The following PRKAR1B variants were observed in gnomAD, a reference collection of about 807,000 sequenced individuals.
The protein encoded by PRKAR1B is protein kinase cAMP-dependent type I regulatory subunit beta.
A neutral mutation model predicts 46.5 loss-of-function variants in PRKAR1B; 22 were observed. The ratio of observed to expected loss-of-function variants is 0.47; its 90% CI spans 0.34 to 0.68. The LOEUF (loss-of-function observed/expected upper bound fraction) is 0.68. Ranked by LOEUF, PRKAR1B falls within the 30% of genes least tolerant of loss-of-function variation. The pLI, the probability that PRKAR1B is intolerant of heterozygous loss-of-function variation, is 0.01. For synonymous variants in PRKAR1B, 259 were observed against 217.7 expected (o/e 1.19, Z -1.67); for missense variants, 445 against 535.6 (o/e 0.83, Z 1.67).
intron 1 of PRKAR1B, among the ~76,000 whole-genome samples, chr7:718,928 G>A (rs956396793): frequency 2.1e-5 from 3 of 145,466 alleles, no homozygotes; most frequent in Non-Finnish European, 3.0e-5. Context: ...CTGGAGTGCG[G>A]TGGCATGATC....
intron 9 of PRKAR1B, among the ~76,000 whole-genome samples, chr7:557,152 C>A (rs950046576): frequency 6.6e-6 from 1 of 152,226 alleles, no homozygotes; most frequent in Non-Finnish European, 1.5e-5. Context: ...CCCGGGACTC[C>A]CTCCTCCTGC....
intron 4 of PRKAR1B, among the ~76,000 whole-genome samples, chr7:636,588 G>A (rs1347358000): frequency 6.6e-6 from 1 of 152,202 alleles, no homozygotes; most frequent in Non-Finnish European, 1.5e-5. Context: ...CTTTCTGACA[G>A]CCAATGCTCT....
Position 673,612 on chromosome 7 carries a change from G to A in PRKAR1B, c.440+3617C>T, listed in dbSNP as rs146934792. ...TGCAGTGAGCCGAGATCGCCCCACT[G>A]CACTGAAGCCTGGGCAACAGAGTGA... On this transcript the variant is annotated intron_variant, in intron 4 of 10. Coordinates refer to ENST00000537384, the MANE Select transcript of PRKAR1B (RefSeq NM_001164760.2). 6.0e-3 allele frequency among the ~76,000 whole-genome samples: 911 copies of A among 150,952 alleles called. 13 individuals are homozygous for A. Among genetic ancestry groups the A allele is most frequent in the African/African-American group, 0.021 (859 of 40,814 alleles).
intron 7 of PRKAR1B, among the ~76,000 whole-genome samples, chr7:586,445 T>C (rs1239327020): frequency 6.6e-6 from 1 of 152,198 alleles, no homozygotes. Context: ...TGCCCTGCTC[T>C]CTCCTGGATC....
intron 8 of PRKAR1B, among the ~76,000 whole-genome samples, chr7:583,244 A>C (rs1473274762): frequency 6.6e-6 from 1 of 152,146 alleles, no homozygotes; most frequent in Non-Finnish European, 1.5e-5. Context: ...AAAGACCCGC[A>C]CGCTCCTTTC....
At chr7:722,222 T>C (rs571826374) in intron 1 of PRKAR1B, among the ~76,000 whole-genome samples, 5 of 148,426 alleles carry the variant, frequency 3.4e-5, no homozygotes, top group African/African-American at 1.2e-4. Flanking sequence ...TGCCTCAGCC[T>C]CCCCGAGTAG....
intron 4 of PRKAR1B, among the ~76,000 whole-genome samples, chr7:627,831 C>A (rs896470153): frequency 6.6e-6 from 1 of 152,234 alleles, no homozygotes; most frequent in Non-Finnish European, 1.5e-5. Context: ...CAACTCCACT[C>A]GGCCCTCACT....
intron 2 of PRKAR1B, among the ~76,000 whole-genome samples, chr7:693,269 T>C (rs1779540927): frequency 6.8e-6 from 1 of 147,474 alleles, no homozygotes; most frequent in Admixed American, 6.8e-5. Context: ...GAGGTAAAAG[T>C]CACATAACTT....
intron 9 of PRKAR1B, among the ~76,000 whole-genome samples, chr7:555,303 C>T (rs138394588): frequency 0.058 from 8,806 of 152,186 alleles, 744 homozygotes; most frequent in African/African-American, 0.19. Flanking sequence ...GTGCCGACTG[C>T]TCCCGGACAC....
rs182815113 is a variant in PRKAR1B, at chr7:687,878, C to T, written c.178-7152G>A. Among the ~76,000 whole-genome samples, 1,492 of 151,878 alleles carry T rather than the reference C, an allele frequency of 9.8e-3. 29 individuals carry two copies. Among genetic ancestry groups the T allele is most frequent in the African/African-American group, 0.033 (1,385 of 41,384 alleles). On this transcript the variant is annotated intron_variant, in intron 2 of 10. Coordinates refer to ENST00000537384, the MANE Select transcript of PRKAR1B (RefSeq NM_001164760.2). The stretch of plus-strand genomic sequence containing the variant: ...TGGGAGGCCGAGGCAGGCGGATCAC[C>T]TGAGGTCAGCAGTTCAAGACCAGCC...
intron 7 of PRKAR1B, 106 bp downstream of exon 7, chr7:596,040 G>T (rs1781250463): frequency 1.4e-6 from 2 of 1,404,840 alleles, no homozygotes; most frequent in Non-Finnish European, 1.9e-6. Flanking sequence ...GAGGTTGGAA[G>T]TGTCTTTTCT....
chr7:705,529 A>C (rs1010381674), intron 2 of PRKAR1B, among the ~76,000 whole-genome samples: 17 of 152,044 alleles, frequency 1.1e-4, no homozygotes, highest in African/African-American at 3.9e-4. Context: ...GAATCTCACT[A>C]CTAAATATTT....
intron 9 of PRKAR1B, among the ~76,000 whole-genome samples, chr7:575,722 CT>C (rs988433193): frequency 1.3e-5 from 2 of 151,930 alleles, no homozygotes; most frequent in African/African-American, 4.8e-5. Context: ...ATTTTTTCAC[CT>C]GTCTTATGGT....
chr7:663,410 G>A (rs907647211), intron 4 of PRKAR1B, among the ~76,000 whole-genome samples: 5 of 151,994 alleles, frequency 3.3e-5, no homozygotes, highest in Non-Finnish European at 7.4e-5. Flanking sequence ...TTAATTTTTA[G>A]GAGGAGGGTA....
chr7:585,586 C>T (rs879335051), intron 7 of PRKAR1B, among the ~76,000 whole-genome samples: 4 of 151,582 alleles, frequency 2.6e-5, no homozygotes, highest in African/African-American at 9.8e-5. Flanking sequence ...TAGATAAGTC[C>T]CCTGGGGTGT....
chr7:699,582 C>T (rs568435572), intron 2 of PRKAR1B, among the ~76,000 whole-genome samples: 28 of 152,262 alleles, frequency 1.8e-4, no homozygotes, highest in Non-Finnish European at 4.0e-4. Flanking sequence ...GAAGCTCAAG[C>T]CGAGATCTCC....
rs529533595 is a variant in PRKAR1B at position 552,723 on chromosome 7, C to T, written c.892-1253G>A. Among the ~76,000 whole-genome samples, 63 of 152,320 alleles carry T rather than the reference C, an allele frequency of 4.1e-4. No homozygotes were observed. The South Asian group carries it at 0.012, about 30-fold the overall frequency. ...GGCGAGCGGAGGAGCCGGGAGGGGA[C>T]GCGCTGGGACCTTCCCTGGGGGTCG... On this transcript the variant is annotated intron_variant, in intron 9 of 10. Transcript: ENST00000537384.
chr7:674,692 GCTAA>G (rs1450836786), intron 4 of PRKAR1B, among the ~76,000 whole-genome samples: 2 of 151,992 alleles, frequency 1.3e-5, no homozygotes, highest in African/African-American at 4.8e-5. Context: ...GTCATGCCCA[GCTAA>G]CTCTCTCCAT....
intron 8 of PRKAR1B, among the ~76,000 whole-genome samples, chr7:583,194 A>G (rs1001529278): frequency 1.3e-5 from 2 of 152,128 alleles, no homozygotes; most frequent in African/African-American, 4.8e-5. Context: ...GGAAAGGTCA[A>G]AACGGTCGGC....
Sources: gnomAD v4.1 joint callset for allele counts (sites outside exome capture counted in the v4.1 genomes callset) on GRCh38, gnomAD v4.1.1 for gene constraint, MANE v1.5 for transcripts, NCBI Gene and HGNC (gene_info 2026-07-23, HGNC 2026-07-21) for gene names.